Variants in SYTL5 observed in about 807,000 individuals in gnomAD.
The protein encoded by SYTL5 is synaptotagmin-like protein 5.
SYTL5 carries 34 observed loss-of-function variants against 55.9 expected under a neutral mutation model. That is an observed-to-expected ratio of 0.61 (90% CI 0.46 to 0.81). The LOEUF (loss-of-function observed/expected upper bound fraction) is 0.81. Ranked by LOEUF, SYTL5 falls within the 30% of genes least tolerant of loss-of-function variation. The pLI is 0.00. For synonymous variants in SYTL5, 221 were observed against 188.7 expected, an observed-to-expected ratio of 1.17 and a Z score of -1.40; for missense variants, 637 against 546.7, an observed-to-expected ratio of 1.17 and a Z score of -1.65.
chrX:38,002,262 A>T (rs1201776396), upstream of SYTL5, among the ~76,000 whole-genome samples: 2 of 111,855 alleles, frequency 1.8e-5, no homozygotes, highest in African/African-American at 3.3e-5. Flanking sequence ...ATCCAGTCTA[A>T]CATTGTTGGA....
chrX:38,068,758 G>A (rs1473534094), intron 3 of SYTL5, among the ~76,000 whole-genome samples: 1 of 110,709 alleles, frequency 9.0e-6, no homozygotes, highest in Non-Finnish European at 1.9e-5. Context: ...GGCAACAATA[G>A]ATACTGTGGA....
At chrX:38,020,763 G>A (rs1197372097) in intron 1 of SYTL5, among the ~76,000 whole-genome samples, 1 of 110,010 alleles carries the variant, frequency 9.1e-6, no homozygotes, top group Non-Finnish European at 1.9e-5. Flanking sequence ...CGATGGAGGG[G>A]TCTAAATTTT....
At chrX:38,121,219 T>C (rs1417181792) in intron 14 of SYTL5, among the ~76,000 whole-genome samples, 1 of 111,619 alleles carries the variant, frequency 9.0e-6, no homozygotes, top group Non-Finnish European at 1.9e-5. Flanking sequence ...TCATGAGAAA[T>C]CCACCCCATG....
Position 38,122,205 on chromosome X carries a change from TTTG to T in SYTL5, c.1833_1835del (p.Phe611_Val612delinsLeu), listed in dbSNP as rs1160896687. 8.3e-7 allele frequency: 1 copy of T among 1,206,448 alleles called. No homozygotes were observed. The highest frequency in any genetic ancestry group is 1.1e-6 in the Non-Finnish European group (1 of 892,681). On this transcript the variant is annotated inframe_deletion, in exon 15 of 17. Coordinates refer to ENST00000297875, the MANE Select transcript of SYTL5 (RefSeq NM_138780.3). ...GAAGTCAGGAGGCACTTCTGATAGC[TTTG>T]TGAAGGGGTAACTTTGTTTTAGCTC...
chrX:37,998,632 T>G, the SYTL5 span, among the ~76,000 whole-genome samples: 1 of 111,850 alleles, frequency 8.9e-6, no homozygotes, highest in Non-Finnish European at 1.9e-5. Flanking sequence ...CCTTGACAGG[T>G]GTGGGACCCA....
chrX:37,901,334 T>C, the SYTL5 span, among the ~76,000 whole-genome samples: 1 of 111,752 alleles, frequency 8.9e-6, no homozygotes, highest in Admixed American at 9.5e-5. Flanking sequence ...GGAAGAGGCA[T>C]TGATGCAGCG....
chrX:37,969,999 G>T, the SYTL5 span, among the ~76,000 whole-genome samples: 1 of 112,168 alleles, frequency 8.9e-6, no homozygotes, highest in Non-Finnish European at 1.9e-5. Flanking sequence ...TAAAGAAACA[G>T]ATTATAGAAT....
the SYTL5 span, among the ~76,000 whole-genome samples, chrX:37,977,921 G>A: frequency 1.8e-5 from 2 of 111,163 alleles, no homozygotes; most frequent in Non-Finnish European, 3.8e-5. Flanking sequence ...TGGCACCAAA[G>A]GAGAGAACAC....
At chrX:37,913,470 T>G in the SYTL5 span, among the ~76,000 whole-genome samples, 1 of 112,642 alleles carries the variant, frequency 8.9e-6, no homozygotes, top group Non-Finnish European at 1.9e-5. Flanking sequence ...AATTAAGCCG[T>G]TAGTCCATTA....
chrX:38,120,287 A>T, intron 13 of SYTL5, 71 bp from the exon 14 acceptor site: 1 of 746,270 alleles, frequency 1.3e-6, no homozygotes, highest in Non-Finnish European at 2.1e-6. Context: ...AATATTGCAC[A>T]TTCAAATGTG....
At chrX:37,966,444 T>C in the SYTL5 span, among the ~76,000 whole-genome samples, 1 of 98,253 alleles carries the variant, frequency 1.0e-5, no homozygotes, top group Non-Finnish European at 2.1e-5. Context: ...TTCTTTTTTT[T>C]TTTTTTTTTT....
the SYTL5 span, among the ~76,000 whole-genome samples, chrX:37,895,390 G>A: frequency 9.3e-6 from 1 of 108,087 alleles, no homozygotes; most frequent in Non-Finnish European, 1.9e-5. Context: ...CACAGAGTAA[G>A]TGTTCGATTA....
At chrX:38,084,580 C>T (rs190671720) in intron 6 of SYTL5, among the ~76,000 whole-genome samples, 46 of 110,942 alleles carry the variant, frequency 4.1e-4, no homozygotes, top group African/African-American at 1.5e-3. Flanking sequence ...GTGTCTGCTG[C>T]TTGGTGTGTG....
intron 10 of SYTL5, among the ~76,000 whole-genome samples, chrX:38,105,970 C>T (rs1187941853): frequency 1.8e-5 from 2 of 112,069 alleles, no homozygotes; most frequent in African/African-American, 6.5e-5. Flanking sequence ...TACAGATTTA[C>T]AAAGCCATGG....
intron 1 of SYTL5, among the ~76,000 whole-genome samples, chrX:38,015,196 T>C (rs1300505964): frequency 8.9e-6 from 1 of 112,429 alleles, no homozygotes; most frequent in Non-Finnish European, 1.9e-5. Context: ...GAGCAGGAAA[T>C]ATACATTTAA....
At chrX:37,945,893 A>T in the SYTL5 span, 8 of 174,673 alleles carry the variant, frequency 4.6e-5, no homozygotes, top group Admixed American at 2.8e-4. Context: ...AATGGCAACA[A>T]ATGAAAGTGC....
chrX:37,941,481 C>T, the SYTL5 span, among the ~76,000 whole-genome samples: 2 of 111,336 alleles, frequency 1.8e-5, no homozygotes, highest in Non-Finnish European at 3.8e-5. Flanking sequence ...TCCGTGTTCA[C>T]CCGGACATGC....
Position 38,073,619 on chromosome X carries a change from A to T in SYTL5, c.475A>T (p.Thr159Ser), listed in dbSNP as rs1049602229. 34 of 1,191,718 alleles carry T rather than the reference A, an allele frequency of 2.9e-5. No homozygotes were observed. Among genetic ancestry groups the T allele is most frequent in the Non-Finnish European group, 3.7e-5 (33 of 886,339 alleles). ...GAEEVQSQEQ[T>S]RQDAEKSDTS... is the part of the protein sequence containing the mutation. The stretch of plus-strand genomic sequence containing the variant: ...TGAAGAAGTACAGAGCCAAGAGCAA[A>T]CCCGCCAGGATGCAGAAAAGTCAGA... The change falls in exon 5 of 17, where the codon ACC becomes TCC. Residue 159 changes from threonine (T) to serine (S), a missense_variant. Transcript: ENST00000297875.
At chrX:38,027,144 CA>C (rs1423737910) in intron 1 of SYTL5, among the ~76,000 whole-genome samples, 3 of 111,818 alleles carry the variant, frequency 2.7e-5, no homozygotes, top group Non-Finnish European at 5.6e-5. Flanking sequence ...TGAGTTCTGA[CA>C]AAAGGTGATA....
Sources: gnomAD v4.1 joint callset for allele counts (sites outside exome capture counted in the v4.1 genomes callset) on GRCh38, gnomAD v4.1.1 for gene constraint, MANE v1.5 for transcripts, NCBI Gene and HGNC (gene_info 2026-07-23, HGNC 2026-07-21) for gene names.